MAPK4: variants seen among roughly 807,000 people sequenced by gnomAD.
MAPK4 encodes mitogen-activated protein kinase 4, also known as Erk3-related.
In MAPK4, 22 loss-of-function variants were observed where a neutral mutation model predicts 47.7. The observed-to-expected ratio is 0.46, with a 90% CI of 0.33 to 0.66. The LOEUF is 0.66. Ranked by LOEUF, MAPK4 falls within the 30% of genes least tolerant of loss-of-function variation. MAPK4 has a pLI of 0.02. For missense variants in MAPK4, 736 were observed against 831.7 expected (o/e 0.88, Z 1.42); for synonymous variants, 390 against 365.7 (o/e 1.07, Z -0.76).
intron 5 of MAPK4, among the ~76,000 whole-genome samples, chr18:50,728,871 T>C (rs1262728468): frequency 6.6e-6 from 1 of 152,270 alleles, no homozygotes; most frequent in East Asian, 1.9e-4. Flanking sequence ...TGTTCACTGC[T>C]GTATTCAGTA....
rs148011532 is a variant in MAPK4 at position 50,649,819 on chromosome 18, C to A, written c.-870-13270C>A. ...CCTCTTGTTCCCAGCACATAAGGAC[C>A]CCGGGTCATAGCAAGAAGACAGAGC... On this transcript the variant is annotated intron_variant, in intron 1 of 5. Transcript: ENST00000400384. Among the ~76,000 whole-genome samples, 44 of 152,300 alleles carry A rather than the reference C, an allele frequency of 2.9e-4. No homozygotes were observed. In the East Asian group the frequency reaches 8.1e-3, roughly 28 times the overall value.
intron 1 of MAPK4, among the ~76,000 whole-genome samples, chr18:50,591,247 G>A (rs1226901331): frequency 1.3e-5 from 2 of 151,992 alleles, no homozygotes; most frequent in Non-Finnish European, 2.9e-5. Flanking sequence ...CTATTAAGTG[G>A]GACAGTCTCA....
chr18:50,727,393 G>A (rs1253992546), intron 5 of MAPK4, among the ~76,000 whole-genome samples: 1 of 152,212 alleles, frequency 6.6e-6, no homozygotes, highest in East Asian at 1.9e-4. Flanking sequence ...ATGGGTTTCA[G>A]ATTAAGGAGG....
At chr18:50,662,511 G>A (rs1333181640) in intron 1 of MAPK4, among the ~76,000 whole-genome samples, 1 of 152,196 alleles carries the variant, frequency 6.6e-6, no homozygotes, top group Non-Finnish European at 1.5e-5. Flanking sequence ...TTTATTATAG[G>A]TGGCAACATT....
chr18:50,653,918 C>T (rs959344360), intron 1 of MAPK4, among the ~76,000 whole-genome samples: 4 of 152,152 alleles, frequency 2.6e-5, no homozygotes, highest in Admixed American at 6.5e-5. Flanking sequence ...TCAAGGCCAC[C>T]GATGCACATG....
chr18:50,574,355 T>G (rs528009461), intron 1 of MAPK4, among the ~76,000 whole-genome samples: 1 of 152,358 alleles, frequency 6.6e-6, no homozygotes, highest in African/African-American at 2.4e-5. Context: ...ATGAAGCCCT[T>G]TCTACAAGAC....
rs181038933 is a variant in MAPK4, at chr18:50,715,631, A to G, written c.691+408A>G. 8.5e-5 allele frequency among the ~76,000 whole-genome samples: 13 copies of G among 152,306 alleles called. No homozygotes were observed. In the East Asian group the frequency reaches 2.5e-3, roughly 29 times the overall value. On this transcript the variant is annotated intron_variant, in intron 3 of 5. Transcript: ENST00000400384. ...TGAGGCTGGAGGGAGCTTGTTTGCC[A>G]CTTCCACTGTGTAAGGACACACTGA...
chr18:50,579,870 A>T (rs1381657465), intron 1 of MAPK4, among the ~76,000 whole-genome samples: 4 of 152,192 alleles, frequency 2.6e-5, no homozygotes, highest in African/African-American at 9.7e-5. Context: ...GACAAGTGCA[A>T]AGGGTGTTAG....
At chr18:50,726,941 C>A (rs1229943971) in intron 5 of MAPK4, among the ~76,000 whole-genome samples, 2 of 152,112 alleles carry the variant, frequency 1.3e-5, no homozygotes, top group Non-Finnish European at 1.5e-5. Flanking sequence ...GGTTAAGAGA[C>A]TGGCATCATG....
At chr18:50,622,870 G>A (rs918380381) in intron 1 of MAPK4, among the ~76,000 whole-genome samples, 27 of 152,206 alleles carry the variant, frequency 1.8e-4, no homozygotes, top group Admixed American at 5.2e-4. Flanking sequence ...AAGCCAGTGC[G>A]CCCAAGCCAA....
At chr18:50,702,161 C>CAAA (rs36001271) in intron 2 of MAPK4, among the ~76,000 whole-genome samples, 14,110 of 94,910 alleles carry the variant, frequency 0.15, 1,305 homozygotes, top group African/African-American at 0.22. Flanking sequence ...GATTCTGTCT[C>CAAA]AAAAAAAAAA....
intron 2 of MAPK4, among the ~76,000 whole-genome samples, chr18:50,682,118 G>A (rs1421290073): frequency 6.6e-6 from 1 of 152,098 alleles, no homozygotes; most frequent in East Asian, 1.9e-4. Context: ...TTTTTTGTTA[G>A]GTTGTTGAAA....
At chr18:50,668,091 A>G (rs1185076462) in intron 2 of MAPK4, among the ~76,000 whole-genome samples, 1 of 152,230 alleles carries the variant, frequency 6.6e-6, no homozygotes, top group East Asian at 1.9e-4. Context: ...TGTAAGGGTT[A>G]GGGTTAGGTT....
intron 1 of MAPK4, among the ~76,000 whole-genome samples, chr18:50,563,965 C>G (rs1166273243): frequency 6.6e-6 from 1 of 152,162 alleles, no homozygotes; most frequent in Non-Finnish European, 1.5e-5. Context: ...CACCATGAGA[C>G]AATGTCAGGC....
At chr18:50,687,733 A>T (rs1187250419) in intron 2 of MAPK4, among the ~76,000 whole-genome samples, 3 of 152,108 alleles carry the variant, frequency 2.0e-5, no homozygotes, top group Non-Finnish European at 2.9e-5. Context: ...CTGGGCAAAC[A>T]CTTGGGCAGG....
chr18:50,598,153 C>A (rs1437341528), intron 1 of MAPK4, among the ~76,000 whole-genome samples: 2 of 152,218 alleles, frequency 1.3e-5, no homozygotes, highest in African/African-American at 4.8e-5. Flanking sequence ...ATATGTTAGA[C>A]CTTAAAACTT....
chr18:50,620,671 G>A (rs1161653677), intron 1 of MAPK4, among the ~76,000 whole-genome samples: 2 of 152,146 alleles, frequency 1.3e-5, no homozygotes, highest in Admixed American at 6.5e-5. Flanking sequence ...TTGGGAGGCC[G>A]AGGTGGGAGG....
intron 1 of MAPK4, among the ~76,000 whole-genome samples, chr18:50,574,518 A>G (rs951310027): frequency 1.3e-5 from 2 of 152,218 alleles, no homozygotes; most frequent in African/African-American, 4.8e-5. Context: ...GACATGGTAT[A>G]CAGAGCCCAG....
chr18:50,572,016 G>A (rs1162953707), intron 1 of MAPK4, among the ~76,000 whole-genome samples: 1 of 152,220 alleles, frequency 6.6e-6, no homozygotes, highest in Non-Finnish European at 1.5e-5. Context: ...AAATCACATA[G>A]GAAGAGGAGG....
Sources: gnomAD v4.1 joint callset for allele counts (sites outside exome capture counted in the v4.1 genomes callset) on GRCh38, gnomAD v4.1.1 for gene constraint, MANE v1.5 for transcripts, NCBI Gene and HGNC (gene_info 2026-07-23, HGNC 2026-07-21) for gene names.